The following FHIT variants were observed in gnomAD, a reference collection of about 807,000 sequenced individuals.
FHIT encodes bis(5'-adenosyl)-triphosphatase.
Under a neutral mutation model 17.9 loss-of-function variants are expected in FHIT, and 19 were observed. The ratio of observed to expected loss-of-function variants is 1.06; its 90% CI spans 0.74 to 1.56. The LOEUF is 1.56. Ranked by LOEUF, FHIT falls within the 40% of genes most tolerant of loss-of-function variation. The pLI, the probability that FHIT is intolerant of heterozygous loss-of-function variation, is 0.00. For synonymous variants in FHIT, 81 were observed against 69.7 expected, an observed-to-expected ratio of 1.16 and a Z score of -0.81; for missense variants, 248 against 189.2, an observed-to-expected ratio of 1.31 and a Z score of -1.82.
intron 5 of FHIT, among the ~76,000 whole-genome samples, chr3:60,264,321 A>G (rs1228615086): frequency 1.3e-5 from 2 of 152,032 alleles, no homozygotes; most frequent in African/African-American, 4.8e-5. Flanking sequence ...AGGATTTTGA[A>G]TACATTTAGC....
intron 3 of FHIT, among the ~76,000 whole-genome samples, chr3:60,996,017 T>C (rs2030648906): frequency 6.6e-6 from 1 of 152,204 alleles, no homozygotes; most frequent in Non-Finnish European, 1.5e-5. Context: ...GAAAATGAAG[T>C]GCTTTGTGTA....
intron 2 of FHIT, among the ~76,000 whole-genome samples, chr3:61,131,885 C>A (rs948781320): frequency 6.6e-6 from 1 of 152,126 alleles, no homozygotes; most frequent in Non-Finnish European, 1.5e-5. Context: ...CCAACAGATG[C>A]CCAGGGTACC....
intron 8 of FHIT, among the ~76,000 whole-genome samples, chr3:59,772,777 C>T (rs567048942): frequency 3.9e-5 from 6 of 152,192 alleles, no homozygotes; most frequent in African/African-American, 1.2e-4. Context: ...CAGAAGAGCT[C>T]GATGTTACAT....
chr3:60,192,150 C>T lies in FHIT; in HGVS notation c.104-177998G>A, dbSNP rs144923414. ...CCTGTAATCCCAGCTACTCAGGAGG[C>T]GGAGGCAAGAGAATCGCTCGAGCCC... On this transcript the variant is annotated intron_variant, in intron 5 of 9. Coordinates refer to ENST00000492590, the MANE Select transcript of FHIT (RefSeq NM_002012.4). Among the ~76,000 whole-genome samples the T allele has an allele frequency of 5.3e-3, 798 of 149,894 alleles. 2 individuals are homozygous for T. Among genetic ancestry groups the T allele is most frequent in the Non-Finnish European group, 9.2e-3 (621 of 67,806 alleles).
At chr3:60,183,766 GA>G (rs1020342702) in intron 5 of FHIT, among the ~76,000 whole-genome samples, 90 of 152,150 alleles carry the variant, frequency 5.9e-4, no homozygotes, top group Admixed American at 1.1e-3. Context: ...CTTTTACTAA[GA>G]AAAAATATTT....
chr3:60,668,077 C>T (rs1193738783), intron 4 of FHIT, among the ~76,000 whole-genome samples: 1 of 151,902 alleles, frequency 6.6e-6, no homozygotes, highest in Non-Finnish European at 1.5e-5. Context: ...GTGGTTGCAT[C>T]CTTGTTGCTG....
At chr3:60,375,523 A>C (rs1700516895) in intron 5 of FHIT, among the ~76,000 whole-genome samples, 1 of 152,122 alleles carries the variant, frequency 6.6e-6, no homozygotes. Context: ...TGCAGTGAGC[A>C]GAGATCACGC....
chr3:61,092,091 A>G (rs1358086952), intron 2 of FHIT, among the ~76,000 whole-genome samples: 1 of 148,962 alleles, frequency 6.7e-6, no homozygotes, highest in East Asian at 2.0e-4. Context: ...AGAATCTCTG[A>G]AAAAAAAAGA....
At chr3:60,561,487 G>GA (rs34615883) in intron 4 of FHIT, among the ~76,000 whole-genome samples, 22,546 of 147,314 alleles carry the variant, frequency 0.15, 2,127 homozygotes, top group East Asian at 0.38. Flanking sequence ...ATGATGGGGA[G>GA]AAAAAAAAAA....
chr3:60,826,152 T>TGGAA (rs201232384), intron 3 of FHIT, among the ~76,000 whole-genome samples: 2,373 of 128,114 alleles, frequency 0.019, 54 homozygotes, highest in African/African-American at 0.049. Flanking sequence ...GATGAATGGA[T>TGGAA]GGAAGGAAGG....
intron 1 of FHIT, among the ~76,000 whole-genome samples, chr3:61,207,970 C>A (rs1262645062): frequency 1.3e-5 from 2 of 152,082 alleles, no homozygotes; most frequent in Non-Finnish European, 2.9e-5. Context: ...AAATTTCCCT[C>A]TATACACTGC....
At chr3:59,966,936 T>G (rs1707953504) in intron 7 of FHIT, among the ~76,000 whole-genome samples, 1 of 152,220 alleles carries the variant, frequency 6.6e-6, no homozygotes, top group Non-Finnish European at 1.5e-5. Context: ...TTTTGACTTT[T>G]GTAATAACAT....
At chr3:60,715,392 T>C (rs1185541507) in intron 4 of FHIT, among the ~76,000 whole-genome samples, 1 of 151,984 alleles carries the variant, frequency 6.6e-6, no homozygotes, top group African/African-American at 2.4e-5. Flanking sequence ...AATGATAGAC[T>C]GGATTAAGAA....
At chr3:60,557,680 G>T (rs1194362552) in intron 4 of FHIT, among the ~76,000 whole-genome samples, 2 of 151,852 alleles carry the variant, frequency 1.3e-5, no homozygotes, top group Admixed American at 1.3e-4. Flanking sequence ...TCAAGCATAT[G>T]CCAGTTACTA....
At chr3:59,980,342 G>A (rs1210383662) in intron 7 of FHIT, among the ~76,000 whole-genome samples, 1 of 152,166 alleles carries the variant, frequency 6.6e-6, no homozygotes, top group Non-Finnish European at 1.5e-5. Flanking sequence ...ACACACAAAA[G>A]TGTGCATCTA....
chr3:61,146,227 A>G (rs2037222426), intron 2 of FHIT, among the ~76,000 whole-genome samples: 2 of 152,060 alleles, frequency 1.3e-5, no homozygotes, highest in East Asian at 3.8e-4. Flanking sequence ...GCCTAGCATT[A>G]CCTTGCTAAA....
At chr3:60,188,115 C>A (rs951430311) in intron 5 of FHIT, among the ~76,000 whole-genome samples, 1 of 151,762 alleles carries the variant, frequency 6.6e-6, no homozygotes, top group African/African-American at 2.4e-5. Flanking sequence ...CACCTTTTGT[C>A]AGCACTGTTT....
chr3:59,977,025 A>G (rs1386012008), intron 7 of FHIT, among the ~76,000 whole-genome samples: 1 of 151,988 alleles, frequency 6.6e-6, no homozygotes, highest in Non-Finnish European at 1.5e-5. Flanking sequence ...GCAGTGGGGG[A>G]CAGTGAAAAC....
At chr3:60,829,898 T>G (rs913773760) in intron 3 of FHIT, among the ~76,000 whole-genome samples, 1 of 152,150 alleles carries the variant, frequency 6.6e-6, no homozygotes, top group Non-Finnish European at 1.5e-5. Flanking sequence ...TGTAAAAGGA[T>G]TTTACATCTA....
Sources: allele counts gnomAD v4.1 joint callset (sites outside exome capture counted in the v4.1 genomes callset), GRCh38; gene constraint gnomAD v4.1.1; transcripts MANE v1.5; gene names NCBI Gene and HGNC (gene_info 2026-07-23, HGNC 2026-07-21).